The following DGKI variants were observed in gnomAD, a reference collection of about 807,000 sequenced individuals.
DGKI encodes diacylglycerol kinase iota.
DGKI carries 55 observed loss-of-function variants against 147.5 expected under a neutral mutation model. The ratio of observed to expected loss-of-function variants is 0.37; its 90% CI spans 0.30 to 0.47. DGKI has a LOEUF of 0.47. Among genes scored for constraint, DGKI ranks in the 20% least tolerant of loss-of-function variants. DGKI has a pLI of 1.00. For missense variants in DGKI, 1,007 were observed against 1,323.8 expected (o/e 0.76, Z 3.71); for synonymous variants, 469 against 477.1 (o/e 0.98, Z 0.22).
intron 26 of DGKI, among the ~76,000 whole-genome samples, chr7:137,465,355 G>A (rs80050893): frequency 0.02 from 3,027 of 152,060 alleles, 113 homozygotes; most frequent in African/African-American, 0.069. Context: ...TCTTTTAATC[G>A]CCAAACAATT....
intron 1 of DGKI, among the ~76,000 whole-genome samples, chr7:137,761,942 G>A (rs564838198): frequency 6.6e-5 from 10 of 152,258 alleles, no homozygotes; most frequent in South Asian, 2.1e-4. Flanking sequence ...AACTGGTGCC[G>A]TCAATCACCT....
chr7:137,754,475 T>C (rs922496184), intron 1 of DGKI, among the ~76,000 whole-genome samples: 3 of 152,192 alleles, frequency 2.0e-5, no homozygotes, highest in African/African-American at 7.2e-5. Flanking sequence ...CCCACCAACC[T>C]GTCTGCAATC....
chr7:137,508,377 C>T (rs1179088052), intron 21 of DGKI, among the ~76,000 whole-genome samples: 1 of 151,996 alleles, frequency 6.6e-6, no homozygotes, highest in Non-Finnish European at 1.5e-5. Context: ...CAGGCACCCA[C>T]CACCATGTCC....
rs116051724 is a variant in DGKI at position 137,732,836 on chromosome 7, C to A, written c.402-42834G>T. Reference sequence around the variant, plus strand: ...TCCACAACACACATACATACACACACATGCACCCCACTACCACTTCTCCCA... The same window carrying A: ...TCCACAACACACATACATACACACAAATGCACCCCACTACCACTTCTCCCA... On this transcript the variant is annotated intron_variant, in intron 1 of 32. Coordinates refer to ENST00000614521, the MANE Select transcript of DGKI (RefSeq NM_001321708.2). 4.2e-3 allele frequency among the ~76,000 whole-genome samples: 643 copies of A among 152,036 alleles called. 4 individuals are homozygous for A. Among genetic ancestry groups the A allele is most frequent in the African/African-American group, 0.015 (614 of 41,484 alleles).
At chr7:137,514,430 A>G (rs1300042263) in intron 21 of DGKI, among the ~76,000 whole-genome samples, 2 of 152,018 alleles carry the variant, frequency 1.3e-5, no homozygotes, top group African/African-American at 4.8e-5. Context: ...CTCTACTCCA[A>G]TCCAACTACC....
intron 1 of DGKI, among the ~76,000 whole-genome samples, chr7:137,714,270 C>A (rs970593490): frequency 1.2e-4 from 18 of 152,028 alleles, no homozygotes; most frequent in Non-Finnish European, 4.4e-5. Flanking sequence ...ACATTATTTT[C>A]TTTTCCTTTC....
rs1814294257 is a variant in DGKI at position 137,458,512 on chromosome 7, C to T, written c.2735+4977G>A. Among the ~76,000 whole-genome samples, 3 of 152,130 alleles carry T rather than the reference C, an allele frequency of 2.0e-5. No individual in the cohort carries two copies. The South Asian group carries it at 6.2e-4, about 32-fold the overall frequency. On this transcript the variant is annotated intron_variant, in intron 27 of 32. Coordinates refer to ENST00000614521, the MANE Select transcript of DGKI (RefSeq NM_001321708.2). Reference sequence around the variant, plus strand: ...GGGGGTTTCTTACGAACTACAAAATCTAAGAACCGGAAAAAGGTTACTCTG... The same window carrying T: ...GGGGGTTTCTTACGAACTACAAAATTTAAGAACCGGAAAAAGGTTACTCTG...
intron 3 of DGKI, among the ~76,000 whole-genome samples, chr7:137,663,608 A>C (rs1822524091): frequency 6.6e-6 from 1 of 151,978 alleles, no homozygotes; most frequent in Non-Finnish European, 1.5e-5. Flanking sequence ...TTGAGTGTGG[A>C]GGTTTGAACG....
intron 19 of DGKI, among the ~76,000 whole-genome samples, chr7:137,567,282 A>G (rs1818620939): frequency 6.7e-6 from 1 of 150,142 alleles, no homozygotes; most frequent in African/African-American, 2.5e-5. Context: ...AAAAAAAGAG[A>G]ATTAGAATAT....
intron 20 of DGKI, among the ~76,000 whole-genome samples, chr7:137,523,732 G>A (rs534022429): frequency 1.1e-3 from 167 of 152,148 alleles, no homozygotes; most frequent in Non-Finnish European, 1.6e-3. Context: ...AAATAAAGCC[G>A]AAGCATTTAA....
At chr7:137,432,416 C>G (rs1377403464) in intron 28 of DGKI, among the ~76,000 whole-genome samples, 1 of 152,104 alleles carries the variant, frequency 6.6e-6, no homozygotes, top group Non-Finnish European at 1.5e-5. Context: ...ATCTATATGC[C>G]CATTTTTTGG....
In DGKI at chr7:137,696,461, T is replaced by TTTTTTTTTTTTG. The variant is rs1554459920; in HGVS notation, c.402-6460_402-6459insCAAAAAAAAAAA. On this transcript the variant is annotated intron_variant, in intron 1 of 32. Coordinates refer to ENST00000614521, the MANE Select transcript of DGKI (RefSeq NM_001321708.2). Reference sequence around the variant, plus strand: ...TTTTTTTTTTTTTTTTTTTTTTTTTTTTGCTTAATGTGTAAAAATGGCCTG... The same window carrying TTTTTTTTTTTTG: ...TTTTTTTTTTTTTTTTTTTTTTTTTTTTTTTTTTTTTGTTGCTTAATGTGTAAAAATGGCCTG... Among the ~76,000 whole-genome samples, 23 of 109,144 alleles carry TTTTTTTTTTTTG rather than the reference T, an allele frequency of 2.1e-4. 2 individuals are homozygous for TTTTTTTTTTTTG. Among genetic ancestry groups the TTTTTTTTTTTTG allele is most frequent in the East Asian group, 1.3e-3 (4 of 2,992 alleles). 71.6% of individuals were successfully genotyped at this position (109,144 alleles called of 152,430 possible). A position where few individuals can be genotyped will look rare whatever the true frequency, so the allele number is the denominator to read the frequency against.
intron 20 of DGKI, chr7:137,545,989 A>G: frequency 1.4e-6 from 1 of 700,966 alleles, no homozygotes; most frequent in Non-Finnish European, 2.6e-6. Context: ...ATGAGCAGCG[A>G]AGACAGAGTC....
At chr7:137,638,550 G>A (rs200816697) in intron 6 of DGKI, among the ~76,000 whole-genome samples, 18 of 85,448 alleles carry the variant, frequency 2.1e-4, no homozygotes, top group African/African-American at 1.1e-3. Flanking sequence ...GTATATATAT[G>A]TGTGTATATA....
intron 28 of DGKI, among the ~76,000 whole-genome samples, chr7:137,426,726 CA>C (rs1352565864): frequency 6.8e-5 from 10 of 148,006 alleles, no homozygotes; most frequent in Non-Finnish European, 1.5e-4. Context: ...AAATGGAAAA[CA>C]AAAAAAGGCA....
chr7:137,487,777 A>G, intron 21 of DGKI, 88 bp from the exon 22 acceptor site: 1 of 1,201,396 alleles, frequency 8.3e-7, no homozygotes, highest in Non-Finnish European at 1.2e-6. Flanking sequence ...TTAAAAAACA[A>G]TCTCATAAAT....
In DGKI at chr7:137,600,648, G is replaced by A. The variant is rs188669371; in HGVS notation, c.1168-743C>T. Among the ~76,000 whole-genome samples the A allele has an allele frequency of 2.0e-5, 3 of 152,178 alleles. No individual in the cohort carries two copies. The East Asian group carries it at 5.8e-4, about 29-fold the overall frequency. ...ATTTGACATTAATTTTCACTTTATT[G>A]TACAGATTATTGTCTGTATAATATA... On this transcript the variant is annotated intron_variant, in intron 10 of 32. Coordinates refer to ENST00000614521, the MANE Select transcript of DGKI (RefSeq NM_001321708.2).
chr7:137,661,228 G>C (rs1328063356), intron 3 of DGKI, among the ~76,000 whole-genome samples: 1 of 152,158 alleles, frequency 6.6e-6, no homozygotes, highest in Non-Finnish European at 1.5e-5. Flanking sequence ...AGTAGGAAAA[G>C]AGCCAGCATG....
At chr7:137,438,802 A>G (rs1218273843) in intron 28 of DGKI, among the ~76,000 whole-genome samples, 1 of 152,072 alleles carries the variant, frequency 6.6e-6, no homozygotes, top group Non-Finnish European at 1.5e-5. Flanking sequence ...GATGAATCAC[A>G]AAAATTATTC....
Sources: allele counts gnomAD v4.1 joint callset (sites outside exome capture counted in the v4.1 genomes callset), GRCh38; gene constraint gnomAD v4.1.1; transcripts MANE v1.5; gene names NCBI Gene and HGNC (gene_info 2026-07-23, HGNC 2026-07-21).